The following CLVS1 variants were observed in gnomAD, a reference collection of about 807,000 sequenced individuals.
CLVS1 encodes clavesin 1, also known as clavesin-1.
A neutral mutation model predicts 33.1 loss-of-function variants in CLVS1; 10 were observed. The ratio of observed to expected loss-of-function variants is 0.30; its 90% CI spans 0.19 to 0.51. CLVS1 has a LOEUF of 0.51. Ranked by LOEUF, CLVS1 falls within the 20% of genes least tolerant of loss-of-function variation. The probability of loss-of-function intolerance (pLI) is 0.97; values close to 1 mark genes in which losing one functional copy is unlikely to be tolerated. For synonymous variants in CLVS1, 163 were observed against 166.1 expected, an observed-to-expected ratio of 0.98 and a Z score of 0.14; for missense variants, 343 against 433.4, an observed-to-expected ratio of 0.79 and a Z score of 1.85.
At chr8:61,164,268 G>A (rs572624977) in intron 2 of CLVS1, among the ~76,000 whole-genome samples, 2 of 152,186 alleles carry the variant, frequency 1.3e-5, no homozygotes, top group Non-Finnish European at 2.9e-5. Context: ...GTCTCTCATT[G>A]CTATTATAGG....
intron 3 of CLVS1, among the ~76,000 whole-genome samples, chr8:61,397,746 T>C (rs1206204446): frequency 6.6e-6 from 1 of 152,204 alleles, no homozygotes; most frequent in Non-Finnish European, 1.5e-5. Context: ...CCCATCATCA[T>C]TTTTTGAAGA....
intron 1 of CLVS1, among the ~76,000 whole-genome samples, chr8:61,129,465 A>G (rs1018396861): frequency 8.5e-5 from 13 of 152,242 alleles, no homozygotes; most frequent in Non-Finnish European, 1.5e-4. Context: ...TTCAAAATGT[A>G]AACATGTAGG....
At chr8:61,027,424 C>T in the CLVS1 span, among the ~76,000 whole-genome samples, 2 of 152,132 alleles carry the variant, frequency 1.3e-5, no homozygotes, top group African/African-American at 4.8e-5. Flanking sequence ...GAGGGCTAGA[C>T]AATGTCAAAA....
the CLVS1 span, among the ~76,000 whole-genome samples, chr8:61,007,546 C>T: frequency 6.6e-6 from 1 of 152,190 alleles, no homozygotes; most frequent in African/African-American, 2.4e-5. Flanking sequence ...AGAAAGATTC[C>T]AGTAAGTCTC....
intron 2 of CLVS1, among the ~76,000 whole-genome samples, chr8:61,243,277 G>A (rs998208872): frequency 2.0e-5 from 3 of 152,220 alleles, no homozygotes; most frequent in South Asian, 2.1e-4. Flanking sequence ...CAGTAAGATC[G>A]TTACTATAGT....
chr8:61,490,980 A>AG (rs1325553296), intron 5 of CLVS1, among the ~76,000 whole-genome samples: 1 of 151,782 alleles, frequency 6.6e-6, no homozygotes, highest in African/African-American at 2.4e-5. Flanking sequence ...AAAGAAAAAA[A>AG]AAAGAAAGAA....
chr8:61,052,903 G>A (rs1804410436), upstream of CLVS1, among the ~76,000 whole-genome samples: 1 of 152,180 alleles, frequency 6.6e-6, no homozygotes, highest in African/African-American at 2.4e-5. Flanking sequence ...GGAGGCGGCT[G>A]TGATCACACA....
At chr8:61,316,702 T>C (rs1811020543) in intron 2 of CLVS1, among the ~76,000 whole-genome samples, 1 of 152,204 alleles carries the variant, frequency 6.6e-6, no homozygotes, top group African/African-American at 2.4e-5. Flanking sequence ...CTCTCACACA[T>C]ACACATACAA....
intron 3 of CLVS1, among the ~76,000 whole-genome samples, chr8:61,441,137 G>A (rs915503965): frequency 2.0e-5 from 3 of 152,136 alleles, no homozygotes; most frequent in African/African-American, 4.8e-5. Flanking sequence ...TGCTGAAAAT[G>A]TTTTTAACCT....
chr8:61,124,386 G>T (rs1805934881), intron 1 of CLVS1, among the ~76,000 whole-genome samples: 1 of 152,236 alleles, frequency 6.6e-6, no homozygotes. Flanking sequence ...GACTGGACTT[G>T]ATTGCATTTT....
rs1010518896 is a variant in CLVS1, at chr8:61,425,529, T to C, written c.631-28612T>C. 9.2e-5 allele frequency among the ~76,000 whole-genome samples: 14 copies of C among 152,324 alleles called. No individual in the cohort carries two copies. The South Asian group carries it at 1.0e-3, about 11-fold the overall frequency. On this transcript the variant is annotated intron_variant, in intron 3 of 5. Transcript: ENST00000325897. ...GGCTTTTAGTGTATTCACAGAGTAT[T>C]GCAACCATTACCACTATCTAATTCC...
chr8:61,152,002 C>G (rs962802363), intron 2 of CLVS1, among the ~76,000 whole-genome samples: 2 of 152,062 alleles, frequency 1.3e-5, no homozygotes, highest in African/African-American at 4.8e-5. Flanking sequence ...GGATATTTTG[C>G]CCCCCGCCCC....
intron 2 of CLVS1, among the ~76,000 whole-genome samples, chr8:61,276,472 G>A (rs1231903613): frequency 6.6e-6 from 1 of 152,284 alleles, no homozygotes; most frequent in Admixed American, 6.5e-5. Context: ...TGTACTTCTG[G>A]CAACATTCTC....
chr8:61,293,880 T>C lies in CLVS1; in HGVS notation c.-152+5742T>C, dbSNP rs185103269. On this transcript the variant is annotated intron_variant, in intron 1 of 5. Coordinates refer to ENST00000325897, the MANE Select transcript of CLVS1 (RefSeq NM_173519.3). ...CCCACAAAACAAATATGGCTATTGT[T>C]TCTTATTTTATATTTGTATTAATTT... is the stretch of plus-strand genomic sequence containing the variant. 8.0e-3 allele frequency among the ~76,000 whole-genome samples: 1,221 copies of C among 152,274 alleles called. 16 individuals carry two copies. Among genetic ancestry groups the C allele is most frequent in the African/African-American group, 0.027 (1,136 of 41,546 alleles).
At chr8:61,488,929 A>G (rs1803969698) in intron 5 of CLVS1, among the ~76,000 whole-genome samples, 1 of 152,190 alleles carries the variant, frequency 6.6e-6, no homozygotes, top group Non-Finnish European at 1.5e-5. Context: ...GTTCTCAGTT[A>G]AGTCTAATCC....
the CLVS1 span, among the ~76,000 whole-genome samples, chr8:61,005,843 C>A: frequency 2.6e-3 from 389 of 152,296 alleles, 7 homozygotes; most frequent in African/African-American, 9.1e-3. Flanking sequence ...TGTTCCGGCA[C>A]AAACAAATCA....
intron 2 of CLVS1, among the ~76,000 whole-genome samples, chr8:61,323,614 A>G (rs938600254): frequency 3.3e-5 from 5 of 152,056 alleles, no homozygotes; most frequent in Non-Finnish European, 7.4e-5. Flanking sequence ...GAAGTGGACA[A>G]GGCTTCTCTG....
intron 2 of CLVS1, among the ~76,000 whole-genome samples, chr8:61,365,525 GT>G (rs1453604335): frequency 5.3e-4 from 59 of 111,584 alleles, no homozygotes; most frequent in African/African-American, 1.4e-3. Context: ...GAAACACCAT[GT>G]CAAAAAAAAA....
intron 2 of CLVS1, among the ~76,000 whole-genome samples, chr8:61,244,120 A>C (rs1276479861): frequency 6.6e-6 from 1 of 152,170 alleles, no homozygotes; most frequent in Non-Finnish European, 1.5e-5. Flanking sequence ...TGCTTGTTTT[A>C]GCTTTCATGC....
Sources: allele counts gnomAD v4.1 joint callset (sites outside exome capture counted in the v4.1 genomes callset), GRCh38; gene constraint gnomAD v4.1.1; transcripts MANE v1.5; gene names NCBI Gene and HGNC (gene_info 2026-07-23, HGNC 2026-07-21).